The following EPB41L4B variants were observed in gnomAD, a reference collection of about 807,000 sequenced individuals.
EPB41L4B encodes erythrocyte membrane protein band 4.1 like 4B, also known as band 4.1-like protein 4B.
EPB41L4B carries 30 observed loss-of-function variants against 112.5 expected under a neutral mutation model. The observed-to-expected ratio is 0.27, with a 90% CI of 0.20 to 0.36. EPB41L4B has a LOEUF of 0.36. Among genes scored for constraint, EPB41L4B ranks in the 10% least tolerant of loss-of-function variants. The probability of loss-of-function intolerance (pLI) is 1.00; values close to 1 mark genes in which losing one functional copy is unlikely to be tolerated. For missense variants in EPB41L4B, 1,024 were observed against 1,133.3 expected, an observed-to-expected ratio of 0.90 and a Z score of 1.38; for synonymous variants, 408 against 439.7, an observed-to-expected ratio of 0.93 and a Z score of 0.90.
intron 12 of EPB41L4B, 91 bp from the exon 13 acceptor site, chr9:109,251,602 C>T: frequency 8.4e-7 from 1 of 1,185,188 alleles, no homozygotes; most frequent in Non-Finnish European, 1.3e-6. Context: ...GAGACTTCTA[C>T]CATCACAGAG....
chr9:109,266,968 C>CAAAAAAAAAAAAAAAAAAAAAAAAAAAAA (rs3061574), intron 4 of EPB41L4B, among the ~76,000 whole-genome samples: 1 of 91,744 alleles, frequency 1.1e-5, no homozygotes, highest in Non-Finnish European at 2.2e-5. Context: ...GATTTTGTTT[C>CAAAAAAAAAAAAAAAAAAAAAAAAAAAAA]AAAAAAAAAA....
Position 109,248,984 on chromosome 9 carries a change from G to A in EPB41L4B, c.1311-1195C>T, listed in dbSNP as rs183039571. 3.2e-4 allele frequency among the ~76,000 whole-genome samples: 48 copies of A among 151,282 alleles called. No homozygotes were observed. The East Asian group carries it at 4.3e-3, about 13-fold the overall frequency. On this transcript the variant is annotated intron_variant, in intron 13 of 25. Transcript: ENST00000374566. Reference sequence around the variant, plus strand: ...TGAGGCAGGAGAACGGCGTGAACCCGGGAGGCAGAGCTGGCAGTGAGCCGA... The same window carrying A: ...TGAGGCAGGAGAACGGCGTGAACCCAGGAGGCAGAGCTGGCAGTGAGCCGA...
At chr9:109,224,141 CAA>C (rs1338679786) in intron 15 of EPB41L4B, among the ~76,000 whole-genome samples, 1 of 152,172 alleles carries the variant, frequency 6.6e-6, no homozygotes, top group Non-Finnish European at 1.5e-5. Flanking sequence ...GGCAGTTCCT[CAA>C]AGAGTTGAAC....
intron 1 of EPB41L4B, among the ~76,000 whole-genome samples, chr9:109,280,647 G>C (rs12551155): frequency 0.22 from 34,058 of 152,098 alleles, 4,763 homozygotes; most frequent in Non-Finnish European, 0.3. Flanking sequence ...GAGAGAGTCT[G>C]AATGAGAAAC....
At chr9:109,298,616 T>A (rs1194764192) in intron 1 of EPB41L4B, among the ~76,000 whole-genome samples, 1 of 152,188 alleles carries the variant, frequency 6.6e-6, no homozygotes, top group African/African-American at 2.4e-5. Context: ...CTGGCCCATA[T>A]ACGCATTTTT....
Position 109,320,229 on chromosome 9 carries a change from A to T in EPB41L4B, c.218T>A (p.Val73Glu), listed in dbSNP as rs1283815397. Reference protein sequence around the residue: ...GGPLLTGGAAVHISAAGAAKA... With the variant: ...GGPLLTGGAAEHISAAGAAKA... ...GGCGGCGCCGGCGGCGGAGATGTGC[A>T]CGGCCGCGCCGCCGGTGAGCAGGGG... The change falls in exon 1 of 26, where the codon GTG becomes GAG. Residue 73 changes from valine to glutamate, a missense_variant. Physicochemically the swap from Val to Glu is moderately radical, Grantham distance 121. Transcript: ENST00000374566. The T allele has an allele frequency of 7.6e-7, 1 of 1,312,228 alleles. No homozygotes were observed. The highest frequency in any genetic ancestry group is 1.5e-5 in the African/African-American group (1 of 64,820). The allele number at this position is 1,312,228 out of a possible 1,614,324, so 81.3% of individuals were successfully genotyped here.
rs374779404 is a variant in EPB41L4B at position 109,213,687 on chromosome 9, C to T, written c.1752+13G>A. 17 of 1,607,990 alleles carry T rather than the reference C, an allele frequency of 1.1e-5. No individual in the cohort carries two copies. The highest frequency in any genetic ancestry group is 5.3e-5 in the African/African-American group (4 of 74,816). On this transcript the variant is annotated intron_variant, in intron 17 of 25. Transcript: ENST00000374566. Reference sequence around the variant, plus strand: ...CAAGTCCATGGTCATGGCAGAGCCCCGGCCCTTGGCACCTTGTTTATGTTG... The same window carrying T: ...CAAGTCCATGGTCATGGCAGAGCCCTGGCCCTTGGCACCTTGTTTATGTTG...
At chr9:109,275,140 T>C (rs1187171203) in intron 2 of EPB41L4B, among the ~76,000 whole-genome samples, 2 of 152,226 alleles carry the variant, frequency 1.3e-5, no homozygotes, top group Non-Finnish European at 2.9e-5. Context: ...GTGATATCAA[T>C]ACGCTTTGAC....
At chr9:109,273,507 A>G (rs1835702678) in intron 2 of EPB41L4B, among the ~76,000 whole-genome samples, 1 of 152,128 alleles carries the variant, frequency 6.6e-6, no homozygotes, top group South Asian at 2.1e-4. Flanking sequence ...TTGGCCTCCC[A>G]AAGTGCTGGG....
At chr9:109,247,035 G>A (rs1003388256) in intron 14 of EPB41L4B, among the ~76,000 whole-genome samples, 3 of 151,992 alleles carry the variant, frequency 2.0e-5, no homozygotes, top group Admixed American at 6.6e-5. Context: ...CCACTGTGTC[G>A]TCTGGGCTGA....
chr9:109,300,595 G>A (rs929994243), intron 1 of EPB41L4B: 4 of 152,128 alleles, frequency 2.6e-5, no homozygotes, highest in Non-Finnish European at 5.9e-5. Flanking sequence ...AGAACAGCCT[G>A]GCCAACGTGG....
intron 23 of EPB41L4B, among the ~76,000 whole-genome samples, chr9:109,183,365 C>G (rs1301595534): frequency 6.6e-6 from 1 of 152,128 alleles, no homozygotes; most frequent in East Asian, 1.9e-4. Context: ...CAGGGAAACC[C>G]GTGGAAGCAT....
At position 109,213,710 on chromosome 9, in the gene EPB41L4B, T is replaced by G; in HGVS notation, c.1742A>C (p.Asn581Thr). ...AAGPWPPLHI[N>T]INKAEEKKVS... ...CCCGGCCCTTGGCACCTTGTTTATGTTGATGTGCAGAGGAGGCCAGGGTCC... is the reference window on the plus strand; with the variant it reads ...CCCGGCCCTTGGCACCTTGTTTATGGTGATGTGCAGAGGAGGCCAGGGTCC... The change falls in exon 17 of 26, where the codon AAC becomes ACC. Residue 581 changes from asparagine to threonine, a missense_variant. Transcript: ENST00000374566. 6.2e-7 allele frequency: 1 copy of G among 1,613,884 alleles called. No homozygotes were observed. Among genetic ancestry groups the G allele is most frequent in the Non-Finnish European group, 8.5e-7 (1 of 1,179,896 alleles).
At chr9:109,241,138 T>C (rs765636193) in intron 15 of EPB41L4B, 85 of 985,734 alleles carry the variant, frequency 8.6e-5, no homozygotes, top group Non-Finnish European at 1.0e-4. Context: ...CAAAATGAAA[T>C]GTTAACAAAT....
chr9:109,227,286 T>C (rs1025762610), intron 15 of EPB41L4B, among the ~76,000 whole-genome samples: 38 of 152,168 alleles, frequency 2.5e-4, no homozygotes, highest in African/African-American at 8.9e-4. Context: ...GCTGTTATCA[T>C]GTGCCTAGTC....
intron 18 of EPB41L4B, among the ~76,000 whole-genome samples, chr9:109,206,295 T>G (rs1832990998): frequency 6.6e-6 from 1 of 152,218 alleles, no homozygotes; most frequent in Non-Finnish European, 1.5e-5. Flanking sequence ...ACAATTCTCC[T>G]GCCTCAGCCT....
chr9:109,253,540 C>T lies in EPB41L4B; in HGVS notation c.1180G>A (p.Glu394Lys). The change falls in exon 12 of 26, where the codon GAA becomes AAA. Residue 394 changes from glutamate (E) to lysine (K), a missense_variant. By Grantham distance (56) the Glu-to-Lys change is moderately conservative (BLOSUM62 1). Transcript: ENST00000374566. ...GSRFRFSGRTEYQATHGSRLR... is the reference protein window; with the variant it reads ...GSRFRFSGRTKYQATHGSRLR... Reference sequence around the variant, plus strand: ...CTGGAGCCATGTGTAGCTTGATATTCTGTCCGCCCACTGGGAAGTAAATAT... The same window carrying T: ...CTGGAGCCATGTGTAGCTTGATATTTTGTCCGCCCACTGGGAAGTAAATAT... The T allele has an allele frequency of 6.2e-7, 1 of 1,609,120 alleles. No individual in the cohort carries two copies. Among genetic ancestry groups the T allele is most frequent in the East Asian group, 2.2e-5 (1 of 44,858 alleles).
chr9:109,213,169 C>T (rs527339380), intron 17 of EPB41L4B, among the ~76,000 whole-genome samples: 1 of 152,330 alleles, frequency 6.6e-6, no homozygotes, highest in East Asian at 1.9e-4. Context: ...AACTAAATGG[C>T]AGACTGAATC....
At chr9:109,202,569 G>T (rs1228186811) in intron 19 of EPB41L4B, among the ~76,000 whole-genome samples, 1 of 152,154 alleles carries the variant, frequency 6.6e-6, no homozygotes, top group Non-Finnish European at 1.5e-5. Context: ...AGACCCTGCT[G>T]GTGTTAGTAA....
Sources: gnomAD v4.1 joint callset for allele counts (sites outside exome capture counted in the v4.1 genomes callset) on GRCh38, gnomAD v4.1.1 for gene constraint, MANE v1.5 for transcripts, NCBI Gene and HGNC (gene_info 2026-07-23, HGNC 2026-07-21) for gene names.